The following TBC1D22A variants were observed in gnomAD, a reference collection of about 807,000 sequenced individuals.
TBC1D22A encodes putative GTPase activator.
TBC1D22A carries 38 observed loss-of-function variants against 60.2 expected under a neutral mutation model. The ratio of observed to expected loss-of-function variants is 0.63; its 90% CI spans 0.49 to 0.83. The LOEUF (loss-of-function observed/expected upper bound fraction) is 0.83. Ranked by LOEUF, TBC1D22A falls within the 40% of genes least tolerant of loss-of-function variation. The pLI is 0.00. For missense variants in TBC1D22A, 628 were observed against 701.0 expected, an observed-to-expected ratio of 0.90 and a Z score of 1.18; for synonymous variants, 302 against 281.7, an observed-to-expected ratio of 1.07 and a Z score of -0.72.
chr22:46,843,314 A>G (rs136654), intron 4 of TBC1D22A, among the ~76,000 whole-genome samples: 114,468 of 151,940 alleles, frequency 0.75, 43,458 homozygotes, highest in African/African-American at 0.86. Context: ...TGTTGTTGTC[A>G]TTGATTTTTA....
In TBC1D22A at chr22:46,874,562, C is replaced by CTTTTTTTTTTTTTTT. The variant is rs747481407; in HGVS notation, c.638-4075_638-4061dup. Among the ~76,000 whole-genome samples the CTTTTTTTTTTTTTTT allele has an allele frequency of 7.4e-5, 3 of 40,778 alleles. 1 individual carries two copies. The highest frequency in any genetic ancestry group is 3.1e-4 in the African/African-American group (3 of 9,550). 26.8% of individuals were successfully genotyped at this position (40,778 alleles called of 152,430 possible). A position where few individuals can be genotyped will look rare whatever the true frequency, so the allele number is the denominator to read the frequency against. On this transcript the variant is annotated intron_variant, in intron 4 of 12. Transcript: ENST00000337137. ...TATGTTTGTTTGGCTACAGGTATGT[C>CTTTTTTTTTTTTTTT]TTTTTTTTTTTTTTTTTTTTTTTTT...
At chr22:46,839,361 G>T (rs1207760391) in intron 4 of TBC1D22A, among the ~76,000 whole-genome samples, 1 of 150,942 alleles carries the variant, frequency 6.6e-6, no homozygotes, top group African/African-American at 2.4e-5. Context: ...AGGCTGGAGT[G>T]CAGTGGCGTG....
chr22:46,974,424 C>T (rs774780731), intron 9 of TBC1D22A, 25 bp downstream of exon 9: 30 of 1,574,400 alleles, frequency 1.9e-5, no homozygotes, highest in Non-Finnish European at 2.4e-5. Flanking sequence ...CCACGGGACA[C>T]AGCCCACGCC....
chr22:46,924,876 C>G (rs1036183589), intron 8 of TBC1D22A, among the ~76,000 whole-genome samples: 1 of 152,134 alleles, frequency 6.6e-6, no homozygotes. Flanking sequence ...TGGAGGACTG[C>G]TAGGGTTGTG....
At chr22:47,152,902 G>A (rs894869258) in intron 12 of TBC1D22A, among the ~76,000 whole-genome samples, 1 of 152,132 alleles carries the variant, frequency 6.6e-6, no homozygotes, top group African/African-American at 2.4e-5. Context: ...AGCGTTAGCT[G>A]TGGGAGAAAA....
chr22:46,773,579 C>G (rs2083578819), intron 1 of TBC1D22A, among the ~76,000 whole-genome samples: 1 of 152,220 alleles, frequency 6.6e-6, no homozygotes, highest in African/African-American at 2.4e-5. Context: ...GTTCTCCTGC[C>G]TCAGCCTCCC....
intron 7 of TBC1D22A, among the ~76,000 whole-genome samples, chr22:46,907,242 G>A (rs5767404): frequency 0.27 from 41,301 of 151,844 alleles, 6,114 homozygotes; most frequent in East Asian, 0.62. Flanking sequence ...CTCTCTTCCC[G>A]TCACCTCTCT....
intron 4 of TBC1D22A, among the ~76,000 whole-genome samples, chr22:46,810,153 T>C (rs2085320318): frequency 6.6e-6 from 1 of 152,234 alleles, no homozygotes; most frequent in South Asian, 2.1e-4. Flanking sequence ...GCTCACCACT[T>C]GCAGTTTAGG....
At chr22:47,136,002 G>A (rs1365917875) in intron 12 of TBC1D22A, among the ~76,000 whole-genome samples, 1 of 152,270 alleles carries the variant, frequency 6.6e-6, no homozygotes, top group Non-Finnish European at 1.5e-5. Context: ...GGCAGTGCTA[G>A]TTGCTCGGGT....
intron 8 of TBC1D22A, among the ~76,000 whole-genome samples, chr22:46,930,532 T>C (rs542393319): frequency 6.6e-6 from 1 of 152,132 alleles, no homozygotes; most frequent in East Asian, 1.9e-4. Flanking sequence ...CTTGGCTCAC[T>C]GCAAGCTCCA....
chr22:47,147,630 T>A (rs530201913), intron 12 of TBC1D22A, among the ~76,000 whole-genome samples: 3 of 152,346 alleles, frequency 2.0e-5, no homozygotes, highest in Admixed American at 6.5e-5. Flanking sequence ...CATCCATACG[T>A]TGGTCGCACA....
chr22:46,955,025 A>C (rs2073113113), intron 8 of TBC1D22A, among the ~76,000 whole-genome samples: 2 of 152,236 alleles, frequency 1.3e-5, no homozygotes, highest in South Asian at 4.1e-4. Flanking sequence ...TTGAATAATA[A>C]GACGCGGCTT....
At chr22:47,160,224 C>T (rs539878143) in intron 12 of TBC1D22A, among the ~76,000 whole-genome samples, 9 of 152,194 alleles carry the variant, frequency 5.9e-5, no homozygotes, top group Non-Finnish European at 1.2e-4. Context: ...ACGTGGACAC[C>T]GCCTGATCGA....
chr22:47,132,509 C>T (rs1370001497), intron 12 of TBC1D22A, among the ~76,000 whole-genome samples: 1 of 124,066 alleles, frequency 8.1e-6, no homozygotes, highest in Non-Finnish European at 1.8e-5. Context: ...TTAGTCCCTG[C>T]ACCGCCCCGC....
chr22:47,128,597 A>G (rs114682871), intron 12 of TBC1D22A, among the ~76,000 whole-genome samples: 3,594 of 151,912 alleles, frequency 0.024, 160 homozygotes, highest in African/African-American at 0.082. Context: ...ACGAGGCTGC[A>G]GAAAATCGAT....
intron 11 of TBC1D22A, among the ~76,000 whole-genome samples, chr22:47,080,347 A>G (rs2064413197): frequency 6.6e-6 from 1 of 152,252 alleles, no homozygotes; most frequent in Non-Finnish European, 1.5e-5. Context: ...AGTACTCAGT[A>G]ACGAATCACC....
chr22:46,899,879 T>G (rs1692509647), intron 7 of TBC1D22A, among the ~76,000 whole-genome samples: 1 of 152,098 alleles, frequency 6.6e-6, no homozygotes, highest in Admixed American at 6.5e-5. Flanking sequence ...AATGTAACTT[T>G]GATTTTTTTA....
rs140810866 is a variant in TBC1D22A, at chr22:46,843,884, C to A, written c.638-34769C>A. On this transcript the variant is annotated intron_variant, in intron 4 of 12. Coordinates refer to ENST00000337137, the MANE Select transcript of TBC1D22A (RefSeq NM_014346.5). ...CCGGCAGCACCCTGTGTTCTCACAT[C>A]ATCGGGAAGGACAGCTGCCTTCCAT... 8.5e-4 allele frequency among the ~76,000 whole-genome samples: 129 copies of A among 152,144 alleles called. 1 individual carries two copies. Among genetic ancestry groups the A allele is most frequent in the African/African-American group, 2.9e-3 (122 of 41,502 alleles).
intron 12 of TBC1D22A, among the ~76,000 whole-genome samples, chr22:47,146,458 C>T (rs2067290314): frequency 6.6e-6 from 1 of 152,196 alleles, no homozygotes. Flanking sequence ...AGAGAGAAAG[C>T]CCAGACCCGT....
Sources: allele counts gnomAD v4.1 joint callset (sites outside exome capture counted in the v4.1 genomes callset), GRCh38; gene constraint gnomAD v4.1.1; transcripts MANE v1.5; gene names NCBI Gene and HGNC (gene_info 2026-07-23, HGNC 2026-07-21).